Variants in FTCDNL1 observed in about 807,000 individuals in gnomAD.
FTCDNL1 encodes the protein formiminotransferase cyclodeaminase N-terminal like, also known as formiminotransferase N-terminal subdomain-containing protein.
A neutral mutation model predicts 5.9 loss-of-function variants in FTCDNL1; 11 were observed. The ratio of observed to expected loss-of-function variants is 1.87; its 90% CI spans 1.18 to 3.10. The LOEUF (loss-of-function observed/expected upper bound fraction) is 3.10. Ranked by LOEUF, FTCDNL1 falls within the 30% of genes most tolerant of loss-of-function variation. The probability of loss-of-function intolerance (pLI) is 0.00; values close to 1 mark genes in which losing one functional copy is unlikely to be tolerated. For missense variants in FTCDNL1, 115 were observed against 65.5 expected, an observed-to-expected ratio of 1.76 and a Z score of -2.61; for synonymous variants, 58 against 24.8, an observed-to-expected ratio of 2.34 and a Z score of -3.99.
the FTCDNL1 span, among the ~76,000 whole-genome samples, chr2:199,693,597 C>T: frequency 6.6e-6 from 1 of 152,144 alleles, no homozygotes; most frequent in Non-Finnish European, 1.5e-5. Flanking sequence ...AAAAACATTA[C>T]AAGATTGGTT....
downstream of FTCDNL1, among the ~76,000 whole-genome samples, chr2:199,807,903 T>C (rs75767792): frequency 0.021 from 3,139 of 152,268 alleles, 199 homozygotes; most frequent in Admixed American, 0.12. Flanking sequence ...CCAAATCTCA[T>C]GTTCAATCAT....
intron 3 of FTCDNL1, among the ~76,000 whole-genome samples, chr2:199,783,728 C>T (rs992577466): frequency 9.9e-5 from 15 of 152,154 alleles, no homozygotes; most frequent in African/African-American, 3.1e-4. Flanking sequence ...CACAATTCTC[C>T]TCCTCCCTCA....
chr2:199,715,449 C>G, the FTCDNL1 span, among the ~76,000 whole-genome samples: 2 of 152,128 alleles, frequency 1.3e-5, no homozygotes, highest in Admixed American at 6.5e-5. Flanking sequence ...AGGGCAGTTC[C>G]CCTGCACATG....
the FTCDNL1 span, among the ~76,000 whole-genome samples, chr2:199,724,119 G>A: frequency 2.0e-5 from 3 of 152,108 alleles, no homozygotes; most frequent in Non-Finnish European, 2.9e-5. Context: ...TTGGGAGGGC[G>A]TATGTGTCCA....
the FTCDNL1 span, among the ~76,000 whole-genome samples, chr2:199,720,951 A>C: frequency 6.6e-6 from 1 of 152,188 alleles, no homozygotes; most frequent in Non-Finnish European, 1.5e-5. Flanking sequence ...TTTAAGATAC[A>C]AATGTGATTT....
At chr2:199,719,738 G>C in the FTCDNL1 span, among the ~76,000 whole-genome samples, 1 of 151,852 alleles carries the variant, frequency 6.6e-6, no homozygotes, top group African/African-American at 2.4e-5. Context: ...GGGCTCAAGC[G>C]ATTCTCCCAC....
the FTCDNL1 span, among the ~76,000 whole-genome samples, chr2:199,687,347 C>A: frequency 1.3e-5 from 2 of 152,082 alleles, no homozygotes; most frequent in Non-Finnish European, 1.5e-5. Flanking sequence ...GACATGAGAA[C>A]CTACACTTGC....
At chr2:199,755,762 C>A (rs1698054357), downstream of FTCDNL1, among the ~76,000 whole-genome samples, 1 of 152,156 alleles carries the variant, frequency 6.6e-6, no homozygotes, top group African/African-American at 2.4e-5. Context: ...CTGAACTTTT[C>A]TGTGCCACCA....
intron 2 of FTCDNL1, 98 bp from the exon 3 acceptor site, chr2:199,846,268 A>C (rs1372198493): frequency 1.7e-6 from 1 of 584,786 alleles, no homozygotes; most frequent in Non-Finnish European, 3.0e-6. Context: ...GCTTAGTGGA[A>C]AAATTCTGGG....
chr2:199,828,840 T>G (rs548778675), intron 3 of FTCDNL1, among the ~76,000 whole-genome samples: 1 of 152,328 alleles, frequency 6.6e-6, no homozygotes, highest in Admixed American at 6.5e-5. Flanking sequence ...GGAATATCAG[T>G]GTCCATTCTA....
chr2:199,843,458 T>C (rs2076645382), intron 3 of FTCDNL1, among the ~76,000 whole-genome samples: 1 of 152,216 alleles, frequency 6.6e-6, no homozygotes, highest in African/African-American at 2.4e-5. Flanking sequence ...ATTTTAACTC[T>C]TTCTTGGATA....
intron 3 of FTCDNL1, among the ~76,000 whole-genome samples, chr2:199,830,946 C>T (rs1400503969): frequency 1.3e-5 from 2 of 152,158 alleles, no homozygotes; most frequent in African/African-American, 2.4e-5. Context: ...AATTGCATTT[C>T]GACTGACACG....
intron 3 of FTCDNL1, among the ~76,000 whole-genome samples, chr2:199,763,229 C>T (rs549450684): frequency 6.6e-6 from 1 of 152,226 alleles, no homozygotes; most frequent in East Asian, 1.9e-4. Context: ...AGGTAGATTC[C>T]ACAGACCATG....
intron 3 of FTCDNL1, among the ~76,000 whole-genome samples, chr2:199,793,819 G>C (rs1700048756): frequency 6.6e-6 from 1 of 152,124 alleles, no homozygotes; most frequent in South Asian, 2.1e-4. Flanking sequence ...TTCCTGTGTT[G>C]CATTAAACTT....
At chr2:199,701,299 T>TAAAA in the FTCDNL1 span, among the ~76,000 whole-genome samples, 3 of 72,382 alleles carry the variant, frequency 4.1e-5, no homozygotes, top group African/African-American at 8.9e-5. Context: ...CTTGAAAGTT[T>TAAAA]AAAAAAAAAA....
At chr2:199,814,771 A>G (rs889080560) in intron 4 of FTCDNL1, among the ~76,000 whole-genome samples, 1 of 152,210 alleles carries the variant, frequency 6.6e-6, no homozygotes, top group Non-Finnish European at 1.5e-5. Flanking sequence ...GCTCCCTAAA[A>G]CGAGACTCAT....
chr2:199,841,175 A>C (rs909129812), intron 3 of FTCDNL1, among the ~76,000 whole-genome samples: 1 of 151,918 alleles, frequency 6.6e-6, no homozygotes, highest in African/African-American at 2.4e-5. Flanking sequence ...TTAGAGACCT[A>C]ATAGTGATAA....
the FTCDNL1 span, among the ~76,000 whole-genome samples, chr2:199,706,764 T>C: frequency 6.6e-6 from 1 of 152,226 alleles, no homozygotes; most frequent in Non-Finnish European, 1.5e-5. Context: ...TTTCTTCTTT[T>C]CATTGACCTT....
chr2:199,813,467 G>A (rs557378171), intron 4 of FTCDNL1, among the ~76,000 whole-genome samples: 1 of 152,224 alleles, frequency 6.6e-6, no homozygotes, highest in East Asian at 1.9e-4. Flanking sequence ...CTCTTTGGTG[G>A]CCAGTATTAA....
Sources: gnomAD v4.1 joint callset for allele counts (sites outside exome capture counted in the v4.1 genomes callset) on GRCh38, gnomAD v4.1.1 for gene constraint, MANE v1.5 for transcripts, NCBI Gene and HGNC (gene_info 2026-07-23, HGNC 2026-07-21) for gene names.